Variants in RGS6 observed in about 807,000 individuals in gnomAD.
RGS6 encodes regulator of G-protein signaling 6.
RGS6 carries 30 observed loss-of-function variants against 78.5 expected under a neutral mutation model. The ratio of observed to expected loss-of-function variants is 0.38; its 90% CI spans 0.29 to 0.52. RGS6 has a LOEUF of 0.52. Among genes scored for constraint, RGS6 ranks in the 20% least tolerant of loss-of-function variants. RGS6 has a pLI of 0.85. For synonymous variants in RGS6, 206 were observed against 206.0 expected (o/e 1.00, Z 0.00); for missense variants, 495 against 609.7 (o/e 0.81, Z 1.98).
At chr14:72,022,637 C>T (rs779030028) in intron 2 of RGS6, 1 of 152,226 alleles carries the variant, frequency 6.6e-6, no homozygotes, top group Non-Finnish European at 1.5e-5. Context: ...TCCACAGGCT[C>T]CTTCCAGCCA....
chr14:72,491,083 A>G (rs1334417153), intron 12 of RGS6, among the ~76,000 whole-genome samples: 2 of 152,210 alleles, frequency 1.3e-5, no homozygotes, highest in African/African-American at 2.4e-5. Context: ...GCATTAAGCT[A>G]ATTGGCCATT....
chr14:72,524,151 G>T (rs1014186997), intron 15 of RGS6, among the ~76,000 whole-genome samples: 1 of 152,104 alleles, frequency 6.6e-6, no homozygotes, highest in Non-Finnish European at 1.5e-5. Context: ...ATTCTAAGCT[G>T]GATCCAAAAG....
chr14:72,064,037 GGAGA>G (rs1276279414), intron 2 of RGS6, among the ~76,000 whole-genome samples: 1 of 152,050 alleles, frequency 6.6e-6, no homozygotes, highest in Non-Finnish European at 1.5e-5. Flanking sequence ...TGTGGTGTAG[GGAGA>G]GAGTCTAAGG....
At chr14:72,472,758 C>A (rs1439374529) in intron 8 of RGS6, 114 bp from the exon 9 acceptor site, 2 of 718,338 alleles carry the variant, frequency 2.8e-6, no homozygotes, top group East Asian at 2.6e-5. Context: ...ATGCAGGTAC[C>A]AATGGCCTTG....
intron 2 of RGS6, among the ~76,000 whole-genome samples, chr14:72,333,957 G>GA (rs2075541947): frequency 6.6e-6 from 1 of 152,198 alleles, no homozygotes; most frequent in Non-Finnish European, 1.5e-5. Flanking sequence ...TTATCTGTCA[G>GA]AAGTTCTCAA....
chr14:72,397,698 G>C (rs567532828), intron 3 of RGS6, among the ~76,000 whole-genome samples: 150 of 152,262 alleles, frequency 9.9e-4, no homozygotes, highest in African/African-American at 3.5e-3. Context: ...GTCATACATA[G>C]CTCTTATTAT....
chr14:72,013,197 G>A (rs1209268778), intron 2 of RGS6, among the ~76,000 whole-genome samples: 2 of 150,558 alleles, frequency 1.3e-5, no homozygotes, highest in Non-Finnish European at 1.5e-5. Flanking sequence ...CTTGAACCTG[G>A]GAGGTGGGGG....
rs1381573432 is a variant in RGS6, at chr14:72,184,448, A to G, written c.85-167647A>G. On this transcript the variant is annotated intron_variant, in intron 2 of 17. Coordinates refer to ENST00000553525, the MANE Select transcript of RGS6 (RefSeq NM_001204424.2). ...GAGAAAGAGAGAGAAGCCCAACCCA[A>G]CAAACCACTTAAGGGAAACCATGAA... Among the ~76,000 whole-genome samples, 3 of 151,944 alleles carry G rather than the reference A, an allele frequency of 2.0e-5. No individual in the cohort carries two copies. In the South Asian group the frequency reaches 6.3e-4, roughly 32 times the overall value.
intron 2 of RGS6, among the ~76,000 whole-genome samples, chr14:72,205,588 A>G (rs537564863): frequency 6.6e-6 from 1 of 152,332 alleles, no homozygotes; most frequent in East Asian, 1.9e-4. Flanking sequence ...GTCCTGTGGA[A>G]TAGTACCAAT....
At chr14:72,362,258 G>A (rs935979286) in intron 3 of RGS6, among the ~76,000 whole-genome samples, 1 of 152,110 alleles carries the variant, frequency 6.6e-6, no homozygotes, top group Non-Finnish European at 1.5e-5. Flanking sequence ...ATAGAAGAAT[G>A]GACAAAATGC....
At chr14:71,934,270 A>G (rs1004792039) in intron 1 of RGS6, among the ~76,000 whole-genome samples, 9 of 152,176 alleles carry the variant, frequency 5.9e-5, no homozygotes, top group African/African-American at 2.2e-4. Context: ...TTGTCCTGTA[A>G]ATATGATCTC....
At chr14:72,358,190 A>T (rs927168988) in intron 3 of RGS6, among the ~76,000 whole-genome samples, 1 of 152,216 alleles carries the variant, frequency 6.6e-6, no homozygotes, top group African/African-American at 2.4e-5. Flanking sequence ...GTCCAGGCAG[A>T]GGTGTGCTGC....
At chr14:72,359,534 A>G (rs1281819975) in intron 3 of RGS6, among the ~76,000 whole-genome samples, 2 of 152,184 alleles carry the variant, frequency 1.3e-5, no homozygotes, top group Non-Finnish European at 2.9e-5. Flanking sequence ...TGCTGGGTTC[A>G]TAAGCCATCA....
At chr14:72,214,984 T>C (rs984313324) in intron 2 of RGS6, among the ~76,000 whole-genome samples, 2 of 152,260 alleles carry the variant, frequency 1.3e-5, no homozygotes, top group Non-Finnish European at 2.9e-5. Context: ...GAACCAGAGT[T>C]AGAACTCTGT....
At chr14:72,012,694 C>T (rs1457575801) in intron 2 of RGS6, among the ~76,000 whole-genome samples, 2 of 152,166 alleles carry the variant, frequency 1.3e-5, no homozygotes, top group Non-Finnish European at 2.9e-5. Flanking sequence ...TTGTCTGTCT[C>T]TAAGGCAAAG....
intron 2 of RGS6, among the ~76,000 whole-genome samples, chr14:72,226,668 C>A (rs774764355): frequency 3.9e-5 from 6 of 152,188 alleles, no homozygotes; most frequent in Non-Finnish European, 8.8e-5. Context: ...TTCATTTTAA[C>A]AAGATCCCCG....
chr14:72,501,087 C>A (rs59245863), intron 13 of RGS6, among the ~76,000 whole-genome samples: 8,582 of 152,098 alleles, frequency 0.056, 652 homozygotes, highest in African/African-American at 0.17. Context: ...TTAGGAATTC[C>A]TGCCAATCTC....
chr14:72,002,645 T>A (rs1207521212), intron 2 of RGS6, among the ~76,000 whole-genome samples: 5 of 152,132 alleles, frequency 3.3e-5, no homozygotes, highest in African/African-American at 1.2e-4. Context: ...TGGGGATGGC[T>A]AATGACAATG....
chr14:71,974,651 C>T (rs2094007887), intron 2 of RGS6, among the ~76,000 whole-genome samples: 1 of 152,000 alleles, frequency 6.6e-6, no homozygotes, highest in Non-Finnish European at 1.5e-5. Context: ...TTTTTAAAAC[C>T]CTACAAGATT....
Sources: gnomAD v4.1 joint callset for allele counts (sites outside exome capture counted in the v4.1 genomes callset) on GRCh38, gnomAD v4.1.1 for gene constraint, MANE v1.5 for transcripts, NCBI Gene and HGNC (gene_info 2026-07-23, HGNC 2026-07-21) for gene names.